The following TMEM163 variants were observed in gnomAD, a reference collection of about 807,000 sequenced individuals.
TMEM163 encodes the protein transmembrane protein 163.
Under a neutral mutation model 29.3 loss-of-function variants are expected in TMEM163, and 17 were observed. The ratio of observed to expected loss-of-function variants is 0.58; its 90% CI spans 0.40 to 0.87. TMEM163 has a LOEUF of 0.87. Ranked by LOEUF, TMEM163 falls within the 40% of genes least tolerant of loss-of-function variation. TMEM163 has a pLI of 0.00. For missense variants in TMEM163, 303 were observed against 381.5 expected (o/e 0.79, Z 1.71); for synonymous variants, 157 against 160.6 (o/e 0.98, Z 0.17).
Position 134,502,920 on chromosome 2 carries a change from G to A in TMEM163, c.536C>T (p.Thr179Ile). 1.2e-6 allele frequency: 2 copies of A among 1,613,916 alleles called. No homozygotes were observed. Among genetic ancestry groups the A allele is most frequent in the East Asian group, 2.2e-5 (1 of 44,872 alleles). Residue 179 changes from threonine (T) to isoleucine (I), a missense_variant, in exon 5 of 8, where the codon ACT becomes ATT. Coordinates refer to ENST00000281924, the MANE Select transcript of TMEM163 (RefSeq NM_030923.5). ...IVVKAIHDLS[T>I]RLLPEVDDFL... is the part of the protein sequence containing the mutation. ...CCTTACCACTTCTGGGAGCAGCCTA[G>A]TTGAGAGGTCATGGATGGCTTTGAC... is the stretch of plus-strand genomic sequence containing the variant.
At chr2:134,595,114 A>T (rs1357792720) in intron 2 of TMEM163, among the ~76,000 whole-genome samples, 1 of 151,532 alleles carries the variant, frequency 6.6e-6, no homozygotes, top group Non-Finnish European at 1.5e-5. Flanking sequence ...TTTTATTTAT[A>T]TATATATTTT....
At chr2:134,673,455 C>T (rs1684038740) in intron 2 of TMEM163, among the ~76,000 whole-genome samples, 1 of 152,152 alleles carries the variant, frequency 6.6e-6, no homozygotes. Context: ...CAGCTAGGTC[C>T]CCAAACAGTG....
chr2:134,632,610 C>T (rs1332511514), intron 2 of TMEM163, among the ~76,000 whole-genome samples: 1 of 152,232 alleles, frequency 6.6e-6, no homozygotes, highest in Non-Finnish European at 1.5e-5. Flanking sequence ...TTCACAGGTG[C>T]CACCTTGTTG....
chr2:134,669,794 C>T (rs907115416), intron 2 of TMEM163, among the ~76,000 whole-genome samples: 20 of 152,258 alleles, frequency 1.3e-4, no homozygotes, highest in African/African-American at 4.6e-4. Context: ...TCACTGAAGA[C>T]GTCTGGCAAC....
intron 2 of TMEM163, among the ~76,000 whole-genome samples, chr2:134,566,097 T>TA (rs1681295480): frequency 6.6e-6 from 1 of 152,158 alleles, no homozygotes; most frequent in East Asian, 1.9e-4. Flanking sequence ...CTTCAATTTT[T>TA]AAAAGAATAC....
At chr2:134,549,379 G>A (rs1022678185) in intron 4 of TMEM163, among the ~76,000 whole-genome samples, 2 of 152,118 alleles carry the variant, frequency 1.3e-5, no homozygotes, top group African/African-American at 2.4e-5. Context: ...ACAAAGTCTC[G>A]CTCTGTTGCC....
chr2:134,701,684 C>T (rs893741239), intron 2 of TMEM163, among the ~76,000 whole-genome samples: 1 of 151,906 alleles, frequency 6.6e-6, no homozygotes, highest in African/African-American at 2.4e-5. Flanking sequence ...CTGAGGTGGG[C>T]GGATTACTTG....
chr2:134,544,647 T>G (rs1439526560), intron 4 of TMEM163, among the ~76,000 whole-genome samples: 1 of 151,992 alleles, frequency 6.6e-6, no homozygotes, highest in Non-Finnish European at 1.5e-5. Context: ...TACAAAAAAT[T>G]AGCCGGGTGT....
intron 2 of TMEM163, among the ~76,000 whole-genome samples, chr2:134,671,647 T>G (rs1336182276): frequency 6.6e-6 from 1 of 152,048 alleles, no homozygotes; most frequent in Admixed American, 6.5e-5. Flanking sequence ...ATTGTTAACC[T>G]CCTCCACATT....
intron 2 of TMEM163, among the ~76,000 whole-genome samples, chr2:134,659,277 A>G (rs1022966254): frequency 6.6e-6 from 1 of 152,254 alleles, no homozygotes; most frequent in Non-Finnish European, 1.5e-5. Flanking sequence ...GACCACTGTC[A>G]TGTATGCAGT....
chr2:134,656,864 GT>G (rs1484853765), intron 2 of TMEM163, among the ~76,000 whole-genome samples: 1 of 152,148 alleles, frequency 6.6e-6, no homozygotes, highest in Non-Finnish European at 1.5e-5. Flanking sequence ...TATGGTTTTT[GT>G]TTTTAATTCT....
rs142287684 is a variant in TMEM163 at position 134,628,561 on chromosome 2, T to C, written c.323-76470A>G. On this transcript the variant is annotated intron_variant, in intron 2 of 7. Transcript: ENST00000281924. ...GCTGAAGCCAGTCATACAAGCACTC[T>C]CTGCCTACATAACTGAACCACAATA... Among the ~76,000 whole-genome samples, 364 of 152,386 alleles carry C rather than the reference T, an allele frequency of 2.4e-3. 1 individual carries two copies. The highest frequency in any genetic ancestry group is 3.5e-3 in the Non-Finnish European group (236 of 68,046).
In TMEM163 at chr2:134,461,996, T is replaced by C. The variant is rs143012517; in HGVS notation, c.668-3823A>G. Among the ~76,000 whole-genome samples, 989 of 152,224 alleles carry C rather than the reference T, an allele frequency of 6.5e-3. 13 individuals carry two copies. The highest frequency in any genetic ancestry group is 0.021 in the African/African-American group (887 of 41,508). On this transcript the variant is annotated intron_variant, in intron 6 of 7. Transcript: ENST00000281924. ...ATCGCTCCCTAGTTCTGCTAATCAATGAATGTAAGAAGCCCAGATCCCAGA... is the reference window on the plus strand; with the variant it reads ...ATCGCTCCCTAGTTCTGCTAATCAACGAATGTAAGAAGCCCAGATCCCAGA...
intron 2 of TMEM163, among the ~76,000 whole-genome samples, chr2:134,614,745 C>A (rs542058211): frequency 6.6e-6 from 1 of 151,880 alleles, no homozygotes; most frequent in Admixed American, 6.6e-5. Flanking sequence ...TCCCAGCTAC[C>A]TGGGAGGCTG....
rs78967482 is a variant in TMEM163 at position 134,556,137 on chromosome 2, A to G, written c.323-4046T>C. On this transcript the variant is annotated intron_variant, in intron 2 of 7. Transcript: ENST00000281924. ...GACTGCCTGAGAATGAAGCCAACAC[A>G]AGAAGAAAGTAGATATTAAACACAG... Among the ~76,000 whole-genome samples, 2,631 of 152,308 alleles carry G rather than the reference A, an allele frequency of 0.017. 181 individuals are homozygous for G. In the East Asian group the frequency reaches 0.24, roughly 14 times the overall value.
chr2:134,710,027 C>T (rs1454316029), intron 2 of TMEM163, among the ~76,000 whole-genome samples: 2 of 152,302 alleles, frequency 1.3e-5, no homozygotes, highest in Non-Finnish European at 2.9e-5. Context: ...AACCTGGAAG[C>T]CATCCACTTC....
intron 2 of TMEM163, among the ~76,000 whole-genome samples, chr2:134,663,973 G>A (rs902588136): frequency 2.0e-5 from 3 of 152,198 alleles, no homozygotes; most frequent in African/African-American, 7.2e-5. Flanking sequence ...TAGCCCTATA[G>A]GCACAGGCTT....
At chr2:134,566,518 A>G (rs1681304210) in intron 2 of TMEM163, among the ~76,000 whole-genome samples, 1 of 152,084 alleles carries the variant, frequency 6.6e-6, no homozygotes, top group Admixed American at 6.5e-5. Context: ...AGCCAAGATC[A>G]TGCCACCGCA....
Position 134,555,564 on chromosome 2 carries a change from G to C in TMEM163, c.323-3473C>G, listed in dbSNP as rs184854387. Among the ~76,000 whole-genome samples, 5 of 152,314 alleles carry C rather than the reference G, an allele frequency of 3.3e-5. No homozygotes were observed. In the East Asian group the frequency reaches 9.6e-4, roughly 29 times the overall value. On this transcript the variant is annotated intron_variant, in intron 2 of 7. Coordinates refer to ENST00000281924, the MANE Select transcript of TMEM163 (RefSeq NM_030923.5). ...ACTGGCAACACATCCACAAAGAGACGGGCGACCAGGCAGCCGTGGGGCGGA... is the reference window on the plus strand; with the variant it reads ...ACTGGCAACACATCCACAAAGAGACCGGCGACCAGGCAGCCGTGGGGCGGA...
Sources: gnomAD v4.1 joint callset for allele counts (sites outside exome capture counted in the v4.1 genomes callset) on GRCh38, gnomAD v4.1.1 for gene constraint, MANE v1.5 for transcripts, NCBI Gene and HGNC (gene_info 2026-07-23, HGNC 2026-07-21) for gene names.